The following CRB1 variants were observed in gnomAD, a reference collection of about 807,000 sequenced individuals.
CRB1 encodes crumbs cell polarity complex component 1.
A neutral mutation model predicts 120.0 loss-of-function variants in CRB1; 83 were observed. The observed-to-expected ratio is 0.69, with a 90% CI of 0.58 to 0.83. The LOEUF (loss-of-function observed/expected upper bound fraction) is 0.83, where lower values mean the gene tolerates loss of function less well. CRB1 is among the 40% of genes least tolerant of loss of function. The pLI is 0.00. For synonymous variants in CRB1, 625 were observed against 612.5 expected (o/e 1.02, Z -0.30); for missense variants, 1,699 against 1,687.6 (o/e 1.01, Z -0.12).
Position 197,327,107 on chromosome 1 carries a change from A to AC in CRB1, c.71-1315_71-1314insC, listed in dbSNP as rs796898911. 7.7e-4 allele frequency among the ~76,000 whole-genome samples: 89 copies of AC among 114,972 alleles called. 1 individual carries two copies. The highest frequency in any genetic ancestry group is 1.4e-3 in the South Asian group (4 of 2,908). The allele number at this position is 114,972 out of a possible 152,430, so 75.4% of individuals were successfully genotyped here. On this transcript the variant is annotated intron_variant, in intron 1 of 11. Coordinates refer to ENST00000367400, the MANE Select transcript of CRB1 (RefSeq NM_201253.3). ...CTCACACACCAAAAAAAAAAAAAAAAAAAAAAAAAAAAAAAAAAAAAAAAA... is the reference window on the plus strand; with the variant it reads ...CTCACACACCAAAAAAAAAAAAAAAACAAAAAAAAAAAAAAAAAAAAAAAAA...
intron 1 of CRB1, among the ~76,000 whole-genome samples, chr1:197,275,917 A>G (rs1010003166): frequency 6.6e-6 from 1 of 151,416 alleles, no homozygotes; most frequent in Non-Finnish European, 1.5e-5. Flanking sequence ...CATATTTTTG[A>G]CTTAACAATA....
chr1:197,433,559 G>A (rs1483120366), intron 8 of CRB1, among the ~76,000 whole-genome samples: 2 of 152,050 alleles, frequency 1.3e-5, no homozygotes, highest in African/African-American at 4.8e-5. Flanking sequence ...GTGAGACCAT[G>A]GGGATATAAA....
At chr1:197,318,839 TA>T (rs1658008048) in intron 1 of CRB1, among the ~76,000 whole-genome samples, 1 of 152,012 alleles carries the variant, frequency 6.6e-6, no homozygotes, top group African/African-American at 2.4e-5. Context: ...ATAGGGAGGT[TA>T]GGGAACAAGT....
At position 197,368,043 on chromosome 1, in the gene CRB1, C is replaced by T. The variant is rs190302754; in HGVS notation, c.1171+11030C>T. 4.6e-5 allele frequency among the ~76,000 whole-genome samples: 7 copies of T among 152,278 alleles called. No individual in the cohort carries two copies. In the East Asian group the frequency reaches 1.4e-3, roughly 29 times the overall value. On this transcript the variant is annotated intron_variant, in intron 5 of 11. Transcript: ENST00000367400. ...ATCCTGTCACTTTACCTAAATCCAACTAAAATAGCCATAGAGGGCCAAGCA... is the reference window on the plus strand; with the variant it reads ...ATCCTGTCACTTTACCTAAATCCAATTAAAATAGCCATAGAGGGCCAAGCA...
At chr1:197,326,176 T>C (rs1658483578) in intron 1 of CRB1, among the ~76,000 whole-genome samples, 1 of 152,158 alleles carries the variant, frequency 6.6e-6, no homozygotes, top group Non-Finnish European at 1.5e-5. Context: ...CAGTTAATAC[T>C]CAAGAAATAT....
intron 11 of CRB1, among the ~76,000 whole-genome samples, chr1:197,445,619 T>G (rs979352837): frequency 2.6e-5 from 4 of 152,224 alleles, no homozygotes; most frequent in African/African-American, 4.8e-5. Context: ...TAGAAACTGT[T>G]AAGCTTTAAT....
chr1:197,426,609 G>A (rs1473346528), intron 6 of CRB1, among the ~76,000 whole-genome samples: 1 of 152,018 alleles, frequency 6.6e-6, no homozygotes, highest in African/African-American at 2.4e-5. Flanking sequence ...CACATCAATA[G>A]CATTGCCACA....
At chr1:197,357,434 C>T (rs562514345) in intron 5 of CRB1, 26 of 244,434 alleles carry the variant, frequency 1.1e-4, no homozygotes, top group African/African-American at 5.2e-4. Context: ...TCTTCCTCAA[C>T]GATTCTGTAG....
intron 2 of CRB1, among the ~76,000 whole-genome samples, chr1:197,342,004 G>A (rs1659493323): frequency 6.6e-6 from 1 of 152,186 alleles, no homozygotes; most frequent in Admixed American, 6.5e-5. Context: ...TATATGGTAG[G>A]TTTGAGGAAA....
At chr1:197,459,186 C>T (rs1253669723) in intron 11 of CRB1, among the ~76,000 whole-genome samples, 1 of 152,052 alleles carries the variant, frequency 6.6e-6, no homozygotes, top group Non-Finnish European at 1.5e-5. Flanking sequence ...GATGGATTCC[C>T]TCGACCAAAC....
chr1:197,272,937 A>T (rs1654987110), intron 1 of CRB1, among the ~76,000 whole-genome samples: 1 of 152,232 alleles, frequency 6.6e-6, no homozygotes, highest in Non-Finnish European at 1.5e-5. Context: ...CCCAGGAAGT[A>T]ATTCAGACTC....
rs1195905915 is a variant in CRB1 at position 197,453,524 on chromosome 1, G to GTATATATA, written c.4005+11241_4005+11248dup. On this transcript the variant is annotated intron_variant, in intron 11 of 11. Coordinates refer to ENST00000367400, the MANE Select transcript of CRB1 (RefSeq NM_201253.3). The stretch of plus-strand genomic sequence containing the variant: ...TATGTGTATATATATGTGTGTGTGT[G>GTATATATA]TATATATATATATATAGAGAGAGAG... Among the ~76,000 whole-genome samples the GTATATATA allele has an allele frequency of 9.0e-4, 111 of 123,728 alleles. 1 individual carries two copies. The highest frequency in any genetic ancestry group is 3.0e-3 in the African/African-American group (102 of 33,960). 81.2% of individuals were successfully genotyped at this position (123,728 alleles called of 152,430 possible).
At chr1:197,281,857 T>C (rs1655538977) in intron 1 of CRB1, among the ~76,000 whole-genome samples, 1 of 151,850 alleles carries the variant, frequency 6.6e-6, no homozygotes, top group South Asian at 2.1e-4. Context: ...TAAATCTCTT[T>C]ATTTTGAAAT....
chr1:197,267,985 C>G (rs1224547012), upstream of CRB1, among the ~76,000 whole-genome samples: 1 of 152,160 alleles, frequency 6.6e-6, no homozygotes, highest in African/African-American at 2.4e-5. Context: ...TATACAGGAA[C>G]ATACGGTATT....
Position 197,430,278 on chromosome 1 carries a change from C to A in CRB1, c.2842+664C>A, listed in dbSNP as rs868866350. On this transcript the variant is annotated intron_variant, in intron 8 of 11. Transcript: ENST00000367400. ...TTATATTCTGTCTTCTCACCTACTT[C>A]AAATAATTCACAGTCCAGTTAATAG... 7.9e-5 allele frequency among the ~76,000 whole-genome samples: 12 copies of A among 152,312 alleles called. No homozygotes were observed. In the South Asian group the frequency reaches 1.0e-3, roughly 13 times the overall value.
chr1:197,217,101 C>T, the CRB1 span, among the ~76,000 whole-genome samples: 2 of 151,986 alleles, frequency 1.3e-5, no homozygotes, highest in African/African-American at 2.4e-5. Flanking sequence ...TTTCCAAAGA[C>T]ATATGAATGC....
At chr1:197,225,768 C>T in the CRB1 span, among the ~76,000 whole-genome samples, 1 of 152,208 alleles carries the variant, frequency 6.6e-6, no homozygotes. Flanking sequence ...CTGCTGTTTC[C>T]TTTAAGCCCA....
At chr1:197,385,132 T>C (rs1382430233) in intron 5 of CRB1, among the ~76,000 whole-genome samples, 6 of 152,178 alleles carry the variant, frequency 3.9e-5, no homozygotes. Flanking sequence ...ATGCTGCTAC[T>C]GCAAACTACC....
intron 2 of CRB1, among the ~76,000 whole-genome samples, chr1:197,333,677 A>G (rs1258064889): frequency 6.6e-6 from 1 of 152,252 alleles, no homozygotes; most frequent in Non-Finnish European, 1.5e-5. Context: ...CAACTATATG[A>G]TGAATTTCCT....
Sources: gnomAD v4.1 joint callset for allele counts (sites outside exome capture counted in the v4.1 genomes callset) on GRCh38, gnomAD v4.1.1 for gene constraint, MANE v1.5 for transcripts, NCBI Gene and HGNC (gene_info 2026-07-23, HGNC 2026-07-21) for gene names.